The following ZBTB20 variants were observed in gnomAD, a reference collection of about 807,000 sequenced individuals.
The protein encoded by ZBTB20 is zinc finger and BTB domain-containing protein 20.
ZBTB20 carries 9 observed loss-of-function variants against 56.9 expected under a neutral mutation model. That is an observed-to-expected ratio of 0.16 (90% CI 0.10 to 0.28). The LOEUF (loss-of-function observed/expected upper bound fraction) is 0.28, where lower values mean the gene tolerates loss of function less well. Among genes scored for constraint, ZBTB20 ranks in the 10% least tolerant of loss-of-function variants. ZBTB20 has a pLI of 1.00. For synonymous variants in ZBTB20, 417 were observed against 420.7 expected (o/e 0.99, Z 0.11); for missense variants, 655 against 1,003.0 (o/e 0.65, Z 4.69).
intron 6 of ZBTB20, among the ~76,000 whole-genome samples, chr3:114,505,388 G>C (rs192169249): frequency 2.6e-5 from 4 of 152,272 alleles, no homozygotes; most frequent in Admixed American, 6.5e-5. Context: ...ATAGAAAAGG[G>C]AGAGATTATT....
chr3:115,079,825 A>G (rs1194941013), intron 1 of ZBTB20, among the ~76,000 whole-genome samples: 1 of 152,238 alleles, frequency 6.6e-6, no homozygotes, highest in Non-Finnish European at 1.5e-5. Flanking sequence ...TCCATACTTT[A>G]AAAATAATTG....
At chr3:115,067,567 T>C (rs951770935) in intron 2 of ZBTB20, among the ~76,000 whole-genome samples, 7 of 151,758 alleles carry the variant, frequency 4.6e-5, no homozygotes, top group African/African-American at 1.7e-4. Context: ...AAGATGATTC[T>C]ATTGTTGGTA....
At chr3:114,434,631 G>A (rs953150890) in intron 7 of ZBTB20, among the ~76,000 whole-genome samples, 1 of 150,668 alleles carries the variant, frequency 6.6e-6, no homozygotes, top group African/African-American at 2.4e-5. Flanking sequence ...AAGGATTCAA[G>A]GTTGTCTGGA....
chr3:114,649,047 T>C lies in ZBTB20; in HGVS notation c.-295+44481A>G, dbSNP rs2059993984. 2.6e-5 allele frequency among the ~76,000 whole-genome samples: 4 copies of C among 152,042 alleles called. No individual in the cohort carries two copies. The South Asian group carries it at 8.3e-4, about 31-fold the overall frequency. ...AAAAATTTAATCTATGTCCACCCATTTTCTTTCTTCCCAAATAATACAATG... is the reference window on the plus strand; with the variant it reads ...AAAAATTTAATCTATGTCCACCCATCTTCTTTCTTCCCAAATAATACAATG... On this transcript the variant is annotated intron_variant, in intron 6 of 11. Transcript: ENST00000675478.
At position 114,351,214 on chromosome 3, in the gene ZBTB20, G is replaced by A. The variant is rs1196184144; in HGVS notation, c.864C>T (p.Ile288=). 6.2e-7 allele frequency: 1 copy of A among 1,602,062 alleles called. No individual in the cohort carries two copies. The highest frequency in any genetic ancestry group is 2.2e-5 in the East Asian group (1 of 44,750). ...GCTGCGAGCGCTCATGGATGCGTGTGATCCAGCTGGGGTCTTCCATGTGGT... is the reference window on the plus strand; with the variant it reads ...GCTGCGAGCGCTCATGGATGCGTGTAATCCAGCTGGGGTCTTCCATGTGGT... The part of the protein sequence containing the change: ...RDHHMEDPSW[I]TRIHERSQQM... Residue 288 remains isoleucine, a synonymous_variant, in exon 11 of 12, where the codon ATC becomes ATT. Coordinates refer to ENST00000675478, the MANE Select transcript of ZBTB20 (RefSeq NM_001348800.3).
At chr3:114,915,622 G>A (rs1266008985) in intron 3 of ZBTB20, among the ~76,000 whole-genome samples, 2 of 151,394 alleles carry the variant, frequency 1.3e-5, no homozygotes, top group East Asian at 1.9e-4. Context: ...TAATTCTACC[G>A]ATTTTGGGTT....
At chr3:114,473,235 A>G (rs1306525795) in intron 7 of ZBTB20, among the ~76,000 whole-genome samples, 1 of 152,154 alleles carries the variant, frequency 6.6e-6, no homozygotes, top group African/African-American at 2.4e-5. Context: ...CACACACTAC[A>G]TATCTTTCAC....
rs541420010 is a variant in ZBTB20, at chr3:114,729,855, G to A, written c.-342-36280C>T. On this transcript the variant is annotated intron_variant, in intron 5 of 11. Transcript: ENST00000675478. ...GTTTCACTCTGTCACCCAAGCTGGA[G>A]TGCGGTGGCATGACCATAGCTCACT... Among the ~76,000 whole-genome samples, 60 of 151,832 alleles carry A rather than the reference G, an allele frequency of 4.0e-4. 1 individual carries two copies. Among genetic ancestry groups the A allele is most frequent in the Admixed American group, 3.4e-3 (52 of 15,258 alleles).
At chr3:114,533,852 G>T (rs909650019) in intron 6 of ZBTB20, among the ~76,000 whole-genome samples, 1 of 152,144 alleles carries the variant, frequency 6.6e-6, no homozygotes, top group Non-Finnish European at 1.5e-5. Context: ...TTAAAGAAAA[G>T]AATTTTCAAC....
intron 7 of ZBTB20, among the ~76,000 whole-genome samples, chr3:114,482,086 G>A (rs1016401497): frequency 6.6e-6 from 1 of 152,114 alleles, no homozygotes; most frequent in African/African-American, 2.4e-5. Flanking sequence ...TTTGCAGGGG[G>A]GTGTCTAGGA....
intron 10 of ZBTB20, 105 bp from the exon 11 acceptor site, chr3:114,351,983 G>A: frequency 1.4e-6 from 2 of 1,410,588 alleles, no homozygotes; most frequent in Middle Eastern, 1.9e-4. Context: ...GCTCCTAGAA[G>A]CACTGCCCTT....
intron 6 of ZBTB20, among the ~76,000 whole-genome samples, chr3:114,544,647 G>A (rs564960353): frequency 6.6e-6 from 1 of 151,860 alleles, no homozygotes; most frequent in Non-Finnish European, 1.5e-5. Flanking sequence ...GGAACTACAG[G>A]CACATGCCAT....
intron 3 of ZBTB20, among the ~76,000 whole-genome samples, chr3:114,937,937 AAC>A (rs577734245): frequency 1.6e-3 from 250 of 151,970 alleles, no homozygotes; most frequent in African/African-American, 5.8e-3. Context: ...GTCTACTAAA[AAC>A]ACAAAAAAAT....
At chr3:115,007,124 A>T (rs919270681) in intron 2 of ZBTB20, among the ~76,000 whole-genome samples, 39 of 151,844 alleles carry the variant, frequency 2.6e-4, no homozygotes, top group Non-Finnish European at 4.7e-4. Flanking sequence ...TTTCATTAAG[A>T]CACTGTAATT....
intron 11 of ZBTB20, among the ~76,000 whole-genome samples, chr3:114,342,706 C>T (rs1271033052): frequency 6.6e-6 from 1 of 152,166 alleles, no homozygotes; most frequent in Non-Finnish European, 1.5e-5. Flanking sequence ...CTGTTCCATT[C>T]ATCACAAAGG....
chr3:114,505,164 A>C (rs2044454721), intron 6 of ZBTB20, among the ~76,000 whole-genome samples: 1 of 152,174 alleles, frequency 6.6e-6, no homozygotes, highest in Admixed American at 6.6e-5. Flanking sequence ...CTGGGTTAAA[A>C]ACAGAATCTG....
rs75880450 is a variant in ZBTB20 at position 115,069,654 on chromosome 3, A to C, written c.-507+1565T>G. On this transcript the variant is annotated intron_variant, in intron 2 of 11. Transcript: ENST00000675478. ...TGTCTCTGCTAACCTAAACAGAACT[A>C]GTATGTGTTGCTGCTAAAATATTCC... Among the ~76,000 whole-genome samples the C allele has an allele frequency of 2.9e-3, 445 of 152,256 alleles. 3 individuals are homozygous for C. Among genetic ancestry groups the C allele is most frequent in the African/African-American group, 0.011 (437 of 41,558 alleles).
chr3:115,138,671 T>A (rs1337532926), intron 1 of ZBTB20, among the ~76,000 whole-genome samples: 1 of 152,080 alleles, frequency 6.6e-6, no homozygotes, highest in Non-Finnish European at 1.5e-5. Flanking sequence ...CCTTCGCATA[T>A]CTTTAAAATT....
At chr3:114,536,529 G>A (rs2048479906) in intron 6 of ZBTB20, among the ~76,000 whole-genome samples, 2 of 152,258 alleles carry the variant, frequency 1.3e-5, no homozygotes, top group South Asian at 4.2e-4. Context: ...CTCATGGATA[G>A]GAAGAATCAA....
Sources: gnomAD v4.1 joint callset for allele counts (sites outside exome capture counted in the v4.1 genomes callset) on GRCh38, gnomAD v4.1.1 for gene constraint, MANE v1.5 for transcripts, NCBI Gene and HGNC (gene_info 2026-07-23, HGNC 2026-07-21) for gene names.